DOK6: variants seen among roughly 807,000 people sequenced by gnomAD.
The protein encoded by DOK6 is docking protein 6.
Under a neutral mutation model 44.0 loss-of-function variants are expected in DOK6, and 22 were observed. That is an observed-to-expected ratio of 0.50 (90% CI 0.36 to 0.71). The LOEUF is 0.71. DOK6 is among the 30% of genes least tolerant of loss of function. DOK6 has a pLI of 0.00. For synonymous variants in DOK6, 166 were observed against 145.5 expected (o/e 1.14, Z -1.01); for missense variants, 340 against 416.4 (o/e 0.82, Z 1.60).
chr18:69,669,822 T>G (rs192512075), intron 3 of DOK6, among the ~76,000 whole-genome samples: 48 of 152,322 alleles, frequency 3.2e-4, no homozygotes, highest in African/African-American at 1.0e-3. Flanking sequence ...CACACCATAT[T>G]CCTTATATAT....
chr18:69,510,335 A>G (rs1427770360), intron 1 of DOK6, among the ~76,000 whole-genome samples: 2 of 152,210 alleles, frequency 1.3e-5, no homozygotes, highest in Admixed American at 1.3e-4. Context: ...TAATGAAAAC[A>G]TCTTCAATCA....
chr18:69,841,424 T>C lies in DOK6; in HGVS notation c.*41T>C. ...TGTTGACTAGAGAGACAGTCTGTCCTGGACCCGTCTGTGGGGTCATTACCC... is the reference window on the plus strand; with the variant it reads ...TGTTGACTAGAGAGACAGTCTGTCCCGGACCCGTCTGTGGGGTCATTACCC... On this transcript the variant is annotated 3_prime_UTR_variant, in exon 8 of 8. Coordinates refer to ENST00000382713, the MANE Select transcript of DOK6 (RefSeq NM_152721.6). 1 of 1,611,742 alleles carries C rather than the reference T, an allele frequency of 6.2e-7. No homozygotes were observed. Among genetic ancestry groups the C allele is most frequent in the Non-Finnish European group, 8.5e-7 (1 of 1,178,364 alleles).
chr18:69,646,640 A>C (rs1006035530), intron 3 of DOK6, among the ~76,000 whole-genome samples: 24 of 151,996 alleles, frequency 1.6e-4, no homozygotes, highest in African/African-American at 5.8e-4. Context: ...TGCTAATTTT[A>C]ATTCTGTTTA....
At chr18:69,537,768 G>A (rs2144578524) in intron 1 of DOK6, among the ~76,000 whole-genome samples, 1 of 152,192 alleles carries the variant, frequency 6.6e-6, no homozygotes, top group South Asian at 2.1e-4. Flanking sequence ...TAGGTACCTG[G>A]CCAAAATTCC....
At chr18:69,671,956 T>C (rs769123164) in intron 3 of DOK6, among the ~76,000 whole-genome samples, 21 of 152,208 alleles carry the variant, frequency 1.4e-4, no homozygotes, top group Non-Finnish European at 2.8e-4. Flanking sequence ...TCATTGATAC[T>C]TAGGGGCGTC....
intron 3 of DOK6, chr18:69,661,722 A>G (rs1362509379): frequency 6.6e-6 from 1 of 152,366 alleles, no homozygotes; most frequent in South Asian, 2.1e-4. Context: ...CTTCATTAAA[A>G]TATAGTTTTA....
intron 5 of DOK6, among the ~76,000 whole-genome samples, chr18:69,712,391 G>C (rs1986786240): frequency 6.9e-6 from 1 of 145,088 alleles, no homozygotes; most frequent in South Asian, 2.2e-4. Flanking sequence ...TTTTATGAAA[G>C]AGGCAATGGA....
At chr18:69,562,548 G>A (rs1982861492) in intron 1 of DOK6, among the ~76,000 whole-genome samples, 1 of 152,116 alleles carries the variant, frequency 6.6e-6, no homozygotes, top group African/African-American at 2.4e-5. Context: ...AAGCAACGAG[G>A]AAAGCATTCC....
At chr18:69,656,691 A>T (rs1234712318) in intron 3 of DOK6, among the ~76,000 whole-genome samples, 1 of 152,252 alleles carries the variant, frequency 6.6e-6, no homozygotes, top group African/African-American at 2.4e-5. Flanking sequence ...GTAATGTTGG[A>T]CACTGATATG....
intron 2 of DOK6, among the ~76,000 whole-genome samples, chr18:69,580,323 T>C (rs192825767): frequency 5.5e-4 from 84 of 152,282 alleles, no homozygotes; most frequent in African/African-American, 1.9e-3. Flanking sequence ...AATAACAAGC[T>C]GCTCTCAGCA....
At chr18:69,746,227 A>G (rs1430870822) in intron 6 of DOK6, among the ~76,000 whole-genome samples, 1 of 152,152 alleles carries the variant, frequency 6.6e-6, no homozygotes, top group Non-Finnish European at 1.5e-5. Flanking sequence ...AGACTTCCTG[A>G]AAGTATTTTG....
chr18:69,482,409 A>G (rs906754901), intron 1 of DOK6, among the ~76,000 whole-genome samples: 2 of 150,670 alleles, frequency 1.3e-5, no homozygotes, highest in African/African-American at 4.9e-5. Context: ...GGGTTCATCC[A>G]AGTGTTATAA....
At chr18:69,457,181 T>C (rs1160496284) in intron 1 of DOK6, among the ~76,000 whole-genome samples, 1 of 152,230 alleles carries the variant, frequency 6.6e-6, no homozygotes, top group Non-Finnish European at 1.5e-5. Flanking sequence ...TTTTTGGTTT[T>C]CTTGCAATTG....
intron 4 of DOK6, among the ~76,000 whole-genome samples, chr18:69,687,328 T>C (rs1204471274): frequency 6.6e-6 from 1 of 152,176 alleles, no homozygotes; most frequent in Non-Finnish European, 1.5e-5. Flanking sequence ...TTATAATTCA[T>C]CTGTAAAAAG....
chr18:69,612,440 A>G (rs1568311251), intron 3 of DOK6, among the ~76,000 whole-genome samples: 1 of 146,748 alleles, frequency 6.8e-6, no homozygotes, highest in African/African-American at 2.5e-5. Context: ...CATGTGTGCG[A>G]GGGCGCATGT....
intron 1 of DOK6, among the ~76,000 whole-genome samples, chr18:69,449,308 A>G (rs1434291321): frequency 6.6e-6 from 1 of 152,242 alleles, no homozygotes; most frequent in Non-Finnish European, 1.5e-5. Flanking sequence ...TTGCTTCAGC[A>G]TTGTAGAAAT....
chr18:69,701,491 T>C (rs1294673438), intron 5 of DOK6, among the ~76,000 whole-genome samples: 2 of 152,226 alleles, frequency 1.3e-5, no homozygotes, highest in Non-Finnish European at 2.9e-5. Context: ...ACAAAACTCC[T>C]TTATTTAACT....
At chr18:69,710,207 T>G (rs1986726697) in intron 5 of DOK6, among the ~76,000 whole-genome samples, 1 of 152,214 alleles carries the variant, frequency 6.6e-6, no homozygotes, top group Admixed American at 6.5e-5. Context: ...AACTTACTAT[T>G]TTTAATAATT....
intron 3 of DOK6, among the ~76,000 whole-genome samples, chr18:69,646,749 G>A (rs73461932): frequency 0.048 from 7,266 of 152,078 alleles, 250 homozygotes; most frequent in East Asian, 0.15. Context: ...GGGTGTTCAC[G>A]ACCAGGCCCC....
Sources: allele counts gnomAD v4.1 joint callset (sites outside exome capture counted in the v4.1 genomes callset), GRCh38; gene constraint gnomAD v4.1.1; transcripts MANE v1.5; gene names NCBI Gene and HGNC (gene_info 2026-07-23, HGNC 2026-07-21).